LAMA1: variants seen among roughly 807,000 people sequenced by gnomAD.
LAMA1 encodes the protein laminin subunit alpha-1.
In LAMA1, 219 loss-of-function variants were observed where a neutral mutation model predicts 348.7. The ratio of observed to expected loss-of-function variants is 0.63; its 90% CI spans 0.56 to 0.70. LAMA1 has a LOEUF of 0.70. Among genes scored for constraint, LAMA1 ranks in the 30% least tolerant of loss-of-function variants. LAMA1 has a pLI of 0.00. For missense variants in LAMA1, 3,744 were observed against 3,888.0 expected (o/e 0.96, Z 0.99); for synonymous variants, 1,487 against 1,491.0 (o/e 1.00, Z 0.06).
chr18:6,961,098 G>A (rs1365644084), intron 53 of LAMA1, among the ~76,000 whole-genome samples: 1 of 152,124 alleles, frequency 6.6e-6, no homozygotes, highest in Admixed American at 6.5e-5. Flanking sequence ...CATAAATAAG[G>A]AAAATGGTCA....
chr18:7,051,405 C>G (rs2058062015), intron 3 of LAMA1, among the ~76,000 whole-genome samples: 1 of 152,044 alleles, frequency 6.6e-6, no homozygotes, highest in Non-Finnish European at 1.5e-5. Context: ...CAAAAGTGCA[C>G]CTTGAGAGAA....
At chr18:6,996,585 C>CAACATAGT (rs779911596) in intron 33 of LAMA1, among the ~76,000 whole-genome samples, 15 of 151,998 alleles carry the variant, frequency 9.9e-5, no homozygotes, top group Non-Finnish European at 2.1e-4. Flanking sequence ...CCAGCCTGCA[C>CAACATAGT]AACATAGTGA....
rs1466421 is a variant in LAMA1 at position 7,089,088 on chromosome 18, A to T, written c.62-8631T>A. 7.6e-3 allele frequency among the ~76,000 whole-genome samples: 1,157 copies of T among 152,040 alleles called. 11 individuals are homozygous for T. Among genetic ancestry groups the T allele is most frequent in the Middle Eastern group, 0.027 (8 of 294 alleles). ...TAATTGGGACCATAAAGGTAAAGAA[A>T]CCTGCTAGGGGCCAGGGTGGTGGCT... On this transcript the variant is annotated intron_variant, in intron 1 of 62. Transcript: ENST00000389658.
At position 6,952,754 on chromosome 18, in the gene LAMA1, G is replaced by A. The variant is rs73938517; in HGVS notation, c.8208-1783C>T. ...TCCTGTCTGTGTCCAGTGGATTCACGCCATGGGAGCCATGTCTGCCTATGT... is the reference window on the plus strand; with the variant it reads ...TCCTGTCTGTGTCCAGTGGATTCACACCATGGGAGCCATGTCTGCCTATGT... On this transcript the variant is annotated intron_variant, in intron 57 of 62. Coordinates refer to ENST00000389658, the MANE Select transcript of LAMA1 (RefSeq NM_005559.4). 2.6e-3 allele frequency among the ~76,000 whole-genome samples: 390 copies of A among 151,598 alleles called. 1 individual carries two copies. The highest frequency in any genetic ancestry group is 8.9e-3 in the African/African-American group (365 of 41,044).
At chr18:7,095,097 C>T (rs1238883655) in intron 1 of LAMA1, among the ~76,000 whole-genome samples, 1 of 135,736 alleles carries the variant, frequency 7.4e-6, no homozygotes, top group Non-Finnish European at 1.5e-5. Context: ...AATTGACAAG[C>T]TGTTCCCTGG....
At position 6,977,852 on chromosome 18, in the gene LAMA1, C is replaced by T. The variant is rs758250392; in HGVS notation, c.6220G>A (p.Val2074Met). The T allele has an allele frequency of 2.5e-5, 40 of 1,613,482 alleles. No homozygotes were observed. The highest frequency in any genetic ancestry group is 2.2e-4 in the South Asian group (20 of 91,074). ...AACAAAAGGTTGGCTTGAATTTCCA[C>T]GTCTTTGACTTTTCTTCCAGCCAAC... ...TLLAGRKVKD[V>M]EIQANLLFDR... Residue 2074 changes from valine (V) to methionine (M), a missense_variant, in exon 44 of 63, where the codon GTG (valine) becomes ATG (methionine). By Grantham distance (21) the Val-to-Met change is conservative (BLOSUM62 1). Coordinates refer to ENST00000389658, the MANE Select transcript of LAMA1 (RefSeq NM_005559.4).
intron 4 of LAMA1, 94 bp from the exon 5 acceptor site, chr18:7,049,351 G>A: frequency 8.7e-7 from 1 of 1,147,574 alleles, no homozygotes; most frequent in Non-Finnish European, 1.3e-6. Context: ...CCAGGCTGGA[G>A]TGCAGTGGCA....
chr18:6,944,349 T>C (rs189378300), intron 61 of LAMA1, among the ~76,000 whole-genome samples: 13 of 152,272 alleles, frequency 8.5e-5, no homozygotes, highest in Non-Finnish European at 1.5e-4. Flanking sequence ...TATGAGCGAA[T>C]ATTTACTAAC....
intron 16 of LAMA1, among the ~76,000 whole-genome samples, chr18:7,030,442 A>G (rs1322718564): frequency 6.6e-6 from 1 of 151,934 alleles, no homozygotes; most frequent in Admixed American, 6.6e-5. Context: ...TCGATCCTAC[A>G]AAAAAAAGGA....
At chr18:7,098,865 G>C (rs1164350717) in intron 1 of LAMA1, among the ~76,000 whole-genome samples, 1 of 130,866 alleles carries the variant, frequency 7.6e-6, no homozygotes, top group African/African-American at 2.9e-5. Context: ...CCCCCCGCCC[G>C]GCCAGCCGCC....
At chr18:7,023,706 C>T (rs11661841) in intron 18 of LAMA1, among the ~76,000 whole-genome samples, 16,727 of 152,228 alleles carry the variant, frequency 0.11, 1,167 homozygotes, top group African/African-American at 0.2. Context: ...ATAGGAAAGA[C>T]AGCACTGGCC....
intron 28 of LAMA1, 90 bp downstream of exon 28, chr18:7,008,398 C>T: frequency 1.4e-6 from 2 of 1,435,842 alleles, no homozygotes. Flanking sequence ...ATAGTAGATA[C>T]ACATAAGTTC....
At chr18:7,053,942 T>C (rs2058071768) in intron 3 of LAMA1, among the ~76,000 whole-genome samples, 1 of 151,980 alleles carries the variant, frequency 6.6e-6, no homozygotes. Context: ...GGCTAATCTT[T>C]GTATTTTTTT....
At chr18:7,082,259 G>A (rs2058196064) in intron 1 of LAMA1, among the ~76,000 whole-genome samples, 2 of 152,132 alleles carry the variant, frequency 1.3e-5, no homozygotes, top group Non-Finnish European at 2.9e-5. Context: ...TCTTAATTTT[G>A]AAACATAGCA....
chr18:6,953,808 C>T (rs2057561465), intron 57 of LAMA1: 1 of 152,330 alleles, frequency 6.6e-6, no homozygotes, highest in African/African-American at 2.4e-5. Context: ...GATGGGGTGA[C>T]AGCGGCATCT....
At chr18:6,989,368 G>A (rs940372795) in intron 36 of LAMA1, among the ~76,000 whole-genome samples, 14 of 152,118 alleles carry the variant, frequency 9.2e-5, no homozygotes, top group East Asian at 1.9e-4. Flanking sequence ...TCTGAATGTG[G>A]TGTTAGTTCT....
chr18:7,116,837 C>T (rs1042328416), intron 1 of LAMA1, among the ~76,000 whole-genome samples: 6 of 150,062 alleles, frequency 4.0e-5, no homozygotes, highest in Non-Finnish European at 5.9e-5. Flanking sequence ...TTTCTTTCTT[C>T]TCTCTCTCTC....
intron 61 of LAMA1, among the ~76,000 whole-genome samples, chr18:6,944,174 C>A (rs1445598185): frequency 6.6e-6 from 1 of 152,144 alleles, no homozygotes; most frequent in East Asian, 2.0e-4. Flanking sequence ...CACCACCATG[C>A]CCAGCTAATT....
intron 1 of LAMA1, among the ~76,000 whole-genome samples, chr18:7,108,477 A>T (rs2058322890): frequency 6.6e-6 from 1 of 152,048 alleles, no homozygotes; most frequent in East Asian, 1.9e-4. Flanking sequence ...CCCCGCCAAC[A>T]TGGTGAAACC....
Sources: allele counts gnomAD v4.1 joint callset (sites outside exome capture counted in the v4.1 genomes callset), GRCh38; gene constraint gnomAD v4.1.1; transcripts MANE v1.5; gene names NCBI Gene and HGNC (gene_info 2026-07-23, HGNC 2026-07-21).